RGS5: variants seen among roughly 807,000 people sequenced by gnomAD.
RGS5 encodes regulator of G protein signaling 5.
A neutral mutation model predicts 18.9 loss-of-function variants in RGS5; 20 were observed. The ratio of observed to expected loss-of-function variants is 1.06; its 90% CI spans 0.74 to 1.54. RGS5 has a LOEUF of 1.54. Ranked by LOEUF, RGS5 falls within the 40% of genes most tolerant of loss-of-function variation. The pLI, the probability that RGS5 is intolerant of heterozygous loss-of-function variation, is 0.00. For missense variants in RGS5, 201 were observed against 211.8 expected, an observed-to-expected ratio of 0.95 and a Z score of 0.32; for synonymous variants, 57 against 76.2, an observed-to-expected ratio of 0.75 and a Z score of 1.31.
At chr1:163,182,946 A>G (rs999134168) in intron 1 of RGS5, among the ~76,000 whole-genome samples, 1 of 152,226 alleles carries the variant, frequency 6.6e-6, no homozygotes, top group Non-Finnish European at 1.5e-5. Context: ...AGTAAAAGGT[A>G]TTGGAGAAGG....
intron 1 of RGS5, among the ~76,000 whole-genome samples, chr1:163,319,655 G>C (rs1650131296): frequency 6.6e-6 from 1 of 152,180 alleles, no homozygotes; most frequent in African/African-American, 2.4e-5. Flanking sequence ...ACCTGGGTCA[G>C]AGGCATCAGA....
At chr1:163,265,720 T>C (rs1448509375) in intron 2 of RGS5, among the ~76,000 whole-genome samples, 1 of 152,134 alleles carries the variant, frequency 6.6e-6, no homozygotes, top group East Asian at 1.9e-4. Context: ...ATTGAAAGGA[T>C]CTTTTCAGGT....
chr1:163,260,816 T>C (rs1005573115), intron 2 of RGS5, among the ~76,000 whole-genome samples: 6 of 152,180 alleles, frequency 3.9e-5, no homozygotes, highest in South Asian at 2.1e-4. Flanking sequence ...GTGAGCTCCA[T>C]GAGATCAAGA....
intron 2 of RGS5, among the ~76,000 whole-genome samples, chr1:163,243,298 G>A (rs536218230): frequency 6.6e-6 from 1 of 152,104 alleles, no homozygotes; most frequent in Non-Finnish European, 1.5e-5. Flanking sequence ...TCAGGGGTTG[G>A]GAGTAAAGGG....
intron 2 of RGS5, among the ~76,000 whole-genome samples, chr1:163,251,038 T>C (rs943952261): frequency 5.3e-5 from 8 of 152,206 alleles, no homozygotes; most frequent in Non-Finnish European, 1.0e-4. Flanking sequence ...TTCCTGACCT[T>C]ATGAAGCTTA....
rs371561835 is a variant in RGS5, at chr1:163,308,785, C to A, written c.-377-2456G>T. ...GTACAGGCATACCTCAGAGATATTGCAGGTTCAGTTCCACACCACTGCAAT... is the reference window on the plus strand; with the variant it reads ...GTACAGGCATACCTCAGAGATATTGAAGGTTCAGTTCCACACCACTGCAAT... On this transcript the variant is annotated intron_variant, in intron 1 of 5. Transcript: ENST00000618415. Among the ~76,000 whole-genome samples the A allele has an allele frequency of 1.5e-4, 23 of 152,252 alleles. 1 individual carries two copies. The highest frequency in any genetic ancestry group is 5.3e-4 in the African/African-American group (22 of 41,536).
intron 1 of RGS5, among the ~76,000 whole-genome samples, chr1:163,176,577 C>T (rs181857716): frequency 9.6e-4 from 144 of 150,310 alleles, no homozygotes; most frequent in African/African-American, 3.4e-3. Flanking sequence ...GCTGAGATCA[C>T]GCCATTGCAC....
At chr1:163,258,725 T>C (rs1490899548) in intron 2 of RGS5, among the ~76,000 whole-genome samples, 1 of 152,034 alleles carries the variant, frequency 6.6e-6, no homozygotes, top group Non-Finnish European at 1.5e-5. Context: ...TGGAGTGCAG[T>C]GGTGCAATGA....
intron 2 of RGS5, among the ~76,000 whole-genome samples, chr1:163,282,047 GCACACACA>G (rs76600062): frequency 7.7e-6 from 1 of 130,422 alleles, no homozygotes; most frequent in Non-Finnish European, 1.6e-5. Context: ...GCACGCGCGC[GCACACACA>G]CACACACACA....
intron 1 of RGS5, among the ~76,000 whole-genome samples, chr1:163,184,279 A>G (rs1159314907): frequency 1.3e-5 from 2 of 152,158 alleles, no homozygotes; most frequent in African/African-American, 4.8e-5. Flanking sequence ...CTTCAAATGC[A>G]AGTCACAGGT....
chr1:163,243,949 A>C (rs981453143), intron 2 of RGS5, among the ~76,000 whole-genome samples: 3 of 152,186 alleles, frequency 2.0e-5, no homozygotes, highest in African/African-American at 7.2e-5. Flanking sequence ...AACTTTGCTT[A>C]AGATAATTAA....
intron 2 of RGS5, among the ~76,000 whole-genome samples, chr1:163,281,158 G>C (rs1233081345): frequency 2.6e-5 from 4 of 152,108 alleles, no homozygotes; most frequent in Non-Finnish European, 4.4e-5. Context: ...GATGTGACTT[G>C]CTCCTCCTTG....
chr1:163,297,973 T>C (rs770411170), intron 2 of RGS5, among the ~76,000 whole-genome samples: 4 of 152,162 alleles, frequency 2.6e-5, no homozygotes, highest in Non-Finnish European at 5.9e-5. Flanking sequence ...TCTCCAAGAC[T>C]GCTTTTGTTT....
intron 2 of RGS5, among the ~76,000 whole-genome samples, chr1:163,257,299 C>T (rs1015428847): frequency 6.6e-6 from 1 of 151,910 alleles, no homozygotes; most frequent in Non-Finnish European, 1.5e-5. Context: ...TTGGGGAGGG[C>T]GAGATCAGAA....
At chr1:163,219,492 C>A (rs1161406785), upstream of RGS5, among the ~76,000 whole-genome samples, 1 of 152,012 alleles carries the variant, frequency 6.6e-6, no homozygotes, top group African/African-American at 2.4e-5. Context: ...TTCCTGCAAC[C>A]TTTTCCAGTG....
chr1:163,168,186 G>C, intron 2 of RGS5, 72 bp downstream of exon 2: 2 of 1,107,604 alleles, frequency 1.8e-6, no homozygotes, highest in Non-Finnish European at 2.8e-6. Flanking sequence ...CTACAGATGA[G>C]GAATGGTGCT....
In RGS5 at chr1:163,146,731, A is replaced by C. The variant is rs1657143440; in HGVS notation, c.*611T>G. 6.6e-6 allele frequency: 1 copy of C among 152,202 alleles called. No individual in the cohort carries two copies. Among genetic ancestry groups the C allele is most frequent in the Non-Finnish European group, 1.5e-5 (1 of 68,038 alleles). The allele number at this position is 152,202 out of a possible 1,614,324, so 9.4% of individuals were successfully genotyped here. On this transcript the variant is annotated 3_prime_UTR_variant, in exon 5 of 5. Coordinates refer to ENST00000313961, the MANE Select transcript of RGS5 (RefSeq NM_003617.4). ...TTCAGATTGATTTTGTATAAACATAATATATTCATGGTTGTATCTCTTATT... is the reference window on the plus strand; with the variant it reads ...TTCAGATTGATTTTGTATAAACATACTATATTCATGGTTGTATCTCTTATT...
At chr1:163,159,706 G>T (rs936447638) in intron 3 of RGS5, among the ~76,000 whole-genome samples, 1 of 152,060 alleles carries the variant, frequency 6.6e-6, no homozygotes, top group Non-Finnish European at 1.5e-5. Context: ...AATTGCCCAG[G>T]TCTTAAAAAT....
intron 2 of RGS5, chr1:163,239,345 G>T (rs1178171758): frequency 1.3e-5 from 2 of 151,934 alleles, no homozygotes; most frequent in South Asian, 2.1e-4. Flanking sequence ...CATTAGCCAG[G>T]CGTGGTGGCC....
Sources: allele counts gnomAD v4.1 joint callset (sites outside exome capture counted in the v4.1 genomes callset), GRCh38; gene constraint gnomAD v4.1.1; transcripts MANE v1.5; gene names NCBI Gene and HGNC (gene_info 2026-07-23, HGNC 2026-07-21).